The following PCDHAC2 variants were observed in gnomAD, a reference collection of about 807,000 sequenced individuals.
PCDHAC2 encodes the protein protocadherin alpha subfamily C, 2.
In PCDHAC2, 24 loss-of-function variants were observed where a neutral mutation model predicts 63.3. The ratio of observed to expected loss-of-function variants is 0.38; its 90% CI spans 0.27 to 0.53. The LOEUF is 0.53. PCDHAC2 is among the 20% of genes least tolerant of loss of function. The pLI is 0.81. For synonymous variants in PCDHAC2, 569 were observed against 529.4 expected (o/e 1.07, Z -1.03); for missense variants, 1,181 against 1,275.2 (o/e 0.93, Z 1.12).
In PCDHAC2 at chr5:140,967,435, C is replaced by T. The variant is rs949116832; in HGVS notation, c.669C>T (p.His223=). The change falls in exon 1 of 4, where the codon CAC becomes CAT. Residue 223 remains histidine (H), a synonymous_variant. Coordinates refer to ENST00000289269, the MANE Select transcript of PCDHAC2 (RefSeq NM_018899.6). ...KGLDREQAAL[H]HLVLTAVDGG... ...TAGACCGGGAGCAGGCAGCCTTGCA[C>T]CACCTGGTTCTCACAGCCGTGGATG... 1 of 1,613,532 alleles carries T rather than the reference C, an allele frequency of 6.2e-7. No individual in the cohort carries two copies. Among genetic ancestry groups the T allele is most frequent in the Non-Finnish European group, 8.5e-7 (1 of 1,179,864 alleles).
chr5:140,994,317 T>A (rs1053879490), intron 3 of PCDHAC2, among the ~76,000 whole-genome samples: 7 of 152,086 alleles, frequency 4.6e-5, no homozygotes, highest in African/African-American at 1.7e-4. Flanking sequence ...GCCCAAACAC[T>A]CTCAGCAACC....
intron 3 of PCDHAC2, among the ~76,000 whole-genome samples, chr5:141,000,383 C>G (rs1324907388): frequency 4.7e-5 from 3 of 63,178 alleles, no homozygotes; most frequent in South Asian, 1.1e-3. Flanking sequence ...CTCTCTCTCT[C>G]TCTCTCTCTC....
chr5:140,967,422 A>C lies in PCDHAC2; in HGVS notation c.656A>C (p.Gln219Pro). 6 of 1,613,338 alleles carry C rather than the reference A, an allele frequency of 3.7e-6. No homozygotes were observed. The highest frequency in any genetic ancestry group is 2.2e-5 in the East Asian group (1 of 44,858). The change falls in exon 1 of 4, where the codon CAG becomes CCG. Residue 219 changes from glutamine (Q) to proline (P), a missense_variant. Around this residue, in one of 3 missense-constraint regions of PCDHAC2, gnomAD observed 968 missense variants for 1,073.5 expected, o/e 0.90. Coordinates refer to ENST00000289269, the MANE Select transcript of PCDHAC2 (RefSeq NM_018899.6). The stretch of plus-strand genomic sequence containing the variant: ...CTGCGTAAGGGCCTAGACCGGGAGC[A>C]GGCAGCCTTGCACCACCTGGTTCTC... ...LVLRKGLDRE[Q>P]AALHHLVLTA... is the part of the protein sequence containing the mutation.
At chr5:140,977,307 G>C (rs1023836424) in intron 1 of PCDHAC2, among the ~76,000 whole-genome samples, 1 of 152,186 alleles carries the variant, frequency 6.6e-6, no homozygotes, top group Admixed American at 6.5e-5. Flanking sequence ...ACAAGCTAAC[G>C]ATAGTGCTCC....
chr5:140,968,846 C>T lies in PCDHAC2; in HGVS notation c.2080C>T (p.His694Tyr), dbSNP rs1554231159. 6.2e-7 allele frequency: 1 copy of T among 1,614,186 alleles called. No homozygotes were observed. Residue 694 changes from histidine (H) to tyrosine (Y), a missense_variant, in exon 1 of 4, where the codon CAT becomes TAT. This residue lies in a region of PCDHAC2 where 968 missense variants were observed against 1,073.5 expected (regional missense o/e 0.90). Coordinates refer to ENST00000289269, the MANE Select transcript of PCDHAC2 (RefSeq NM_018899.6). ...CAAAATCCTCCCTGACACTCAGAGG[C>T]ATGTTAAGAGCCCTCGGACATACTC... ...VSKILPDTQR[H>Y]VKSPRTYSEI...
chr5:140,981,144 A>G (rs1245688386), intron 2 of PCDHAC2, among the ~76,000 whole-genome samples: 1 of 152,238 alleles, frequency 6.6e-6, no homozygotes, highest in African/African-American at 2.4e-5. Flanking sequence ...GAGTGAGAAA[A>G]CATTGAACTT....
At chr5:140,985,044 T>G (rs183944640) in intron 3 of PCDHAC2, among the ~76,000 whole-genome samples, 1 of 152,158 alleles carries the variant, frequency 6.6e-6, no homozygotes, top group Admixed American at 6.5e-5. Flanking sequence ...TTCAAGTGAT[T>G]CTCCTGCCTC....
chr5:141,005,287 A>AT (rs1405339052), intron 3 of PCDHAC2, among the ~76,000 whole-genome samples: 5 of 152,162 alleles, frequency 3.3e-5, no homozygotes, highest in Admixed American at 1.3e-4. Context: ...AAACAGATAC[A>AT]TTTTTTGCCT....
chr5:140,968,127 C>T lies in PCDHAC2; in HGVS notation c.1361C>T (p.Thr454Ile), dbSNP rs1217974732. The T allele has an allele frequency of 4.3e-6, 7 of 1,614,064 alleles. No homozygotes were observed. Among genetic ancestry groups the T allele is most frequent in the Non-Finnish European group, 5.9e-6 (7 of 1,180,040 alleles). The stretch of plus-strand genomic sequence containing the variant: ...ATACCGCAGCTCACATCCCTGCGTA[C>T]ACTGAAGGTTGAGATCTCTGACATC... The part of the protein sequence containing the change: ...GGIPQLTSLR[T>I]LKVEISDIND... The change falls in exon 1 of 4, where the codon ACA becomes ATA. Residue 454 changes from threonine to isoleucine, a missense_variant. Coordinates refer to ENST00000289269, the MANE Select transcript of PCDHAC2 (RefSeq NM_018899.6).
intron 2 of PCDHAC2, among the ~76,000 whole-genome samples, chr5:140,979,622 T>C (rs1300997272): frequency 6.6e-6 from 1 of 152,246 alleles, no homozygotes; most frequent in Non-Finnish European, 1.5e-5. Flanking sequence ...GGTATTAGTC[T>C]AAGACTCAGA....
At chr5:140,972,925 G>T (rs1297920795) in intron 1 of PCDHAC2, among the ~76,000 whole-genome samples, 1 of 152,120 alleles carries the variant, frequency 6.6e-6, no homozygotes, top group Non-Finnish European at 1.5e-5. Context: ...GCCTCCCAAA[G>T]TGCTGGGATT....
chr5:140,976,486 G>C (rs782708902), intron 1 of PCDHAC2, among the ~76,000 whole-genome samples: 1 of 152,078 alleles, frequency 6.6e-6, no homozygotes, highest in Non-Finnish European at 1.5e-5. Flanking sequence ...GGGAGGCAGA[G>C]GTTGCAGGGA....
chr5:141,009,339 G>A (rs1328874922), intron 3 of PCDHAC2, among the ~76,000 whole-genome samples: 13 of 152,168 alleles, frequency 8.5e-5, no homozygotes, highest in African/African-American at 3.1e-4. Context: ...TGTGCCTGTA[G>A]TTCCAGCTAC....
intron 3 of PCDHAC2, among the ~76,000 whole-genome samples, chr5:141,006,156 TA>T (rs1554260585): frequency 6.6e-6 from 1 of 151,588 alleles, no homozygotes; most frequent in East Asian, 1.9e-4. Flanking sequence ...AGGAGTGATA[TA>T]ATCTGATTTA....
intron 2 of PCDHAC2, 146 bp downstream of exon 2, chr5:140,979,153 G>A (rs2096837239): frequency 2.8e-6 from 4 of 1,434,028 alleles, no homozygotes; most frequent in Non-Finnish European, 2.7e-6. Context: ...TTGTCCCCAT[G>A]TTTATTCCTT....
chr5:140,995,901 A>C (rs2097702550), intron 3 of PCDHAC2, among the ~76,000 whole-genome samples: 3 of 152,212 alleles, frequency 2.0e-5, no homozygotes, highest in Non-Finnish European at 1.5e-5. Flanking sequence ...CAATGTATAA[A>C]AGAGGAGAGA....
chr5:140,981,699 T>A (rs1162840326), intron 2 of PCDHAC2, among the ~76,000 whole-genome samples: 1 of 151,316 alleles, frequency 6.6e-6, no homozygotes, highest in Non-Finnish European at 1.5e-5. Context: ...CATTCATTCA[T>A]TCATTCATTC....
intron 3 of PCDHAC2, 63 bp downstream of exon 3, chr5:140,982,626 T>C (rs782343298): frequency 2.5e-5 from 39 of 1,581,800 alleles, no homozygotes; most frequent in Non-Finnish European, 2.8e-5. Context: ...TGACCTACTT[T>C]TGTAAGATCA....
At chr5:140,985,851 TG>T (rs1269261138) in intron 3 of PCDHAC2, among the ~76,000 whole-genome samples, 1 of 149,322 alleles carries the variant, frequency 6.7e-6, no homozygotes, top group Non-Finnish European at 1.5e-5. Flanking sequence ...GCCACTCTCC[TG>T]CCTCAGCCTC....
Sources: gnomAD v4.1 joint callset for allele counts (sites outside exome capture counted in the v4.1 genomes callset) on GRCh38, gnomAD v4.1.1 for gene constraint, gnomAD v4.1.1 regional missense constraint, MANE v1.5 for transcripts, NCBI Gene and HGNC (gene_info 2026-07-23, HGNC 2026-07-21) for gene names.